Variants in ATG3 observed in about 807,000 individuals in gnomAD.
ATG3 encodes the protein ubiquitin-like-conjugating enzyme ATG3.
A neutral mutation model predicts 50.7 loss-of-function variants in ATG3; 25 were observed. The ratio of observed to expected loss-of-function variants is 0.49; its 90% confidence interval spans 0.36 to 0.69. The LOEUF (loss-of-function observed/expected upper bound fraction) is 0.69. ATG3 is among the 30% of genes least tolerant of loss of function. ATG3 has a pLI of 0.00. For missense variants in ATG3, 281 were observed against 376.0 expected (o/e 0.75, Z 2.09); for synonymous variants, 119 against 125.5 (o/e 0.95, Z 0.34).
chr3:112,533,929 A>G, intron 11 of ATG3: 1 of 1,069,260 alleles, frequency 9.4e-7, no homozygotes, highest in African/African-American at 1.7e-5. Flanking sequence ...GACACAACCT[A>G]ATTTTACTTT....
intron 6 of ATG3, among the ~76,000 whole-genome samples, chr3:112,543,051 A>G (rs1391039021): frequency 6.6e-6 from 1 of 152,054 alleles, no homozygotes; most frequent in East Asian, 1.9e-4. Flanking sequence ...TAAAAAAACA[A>G]AACAAACAAA....
rs2082564588 is a variant in ATG3 at position 112,532,694 on chromosome 3, CTTCAT to C, written c.945_*4del. ...ATAATTAGGATAGATTTTATGCTCT[CTTCAT>C]TACATTGTGAAGTGTCTTGTGTAGT... On this transcript the variant is annotated stop_retained_variant and 3_prime_UTR_variant, in exon 12 of 12. Coordinates refer to ENST00000283290, the MANE Select transcript of ATG3 (RefSeq NM_022488.5). The C allele has an allele frequency of 6.4e-7, 1 of 1,570,388 alleles. No homozygotes were observed. Among genetic ancestry groups the C allele is most frequent in the South Asian group, 1.2e-5 (1 of 85,206 alleles).
intron 2 of ATG3, among the ~76,000 whole-genome samples, chr3:112,556,034 C>T (rs149207831): frequency 9.2e-4 from 140 of 152,226 alleles, no homozygotes; most frequent in African/African-American, 2.2e-3. Context: ...CTTTCATCTC[C>T]GCTCTTGATT....
At chr3:112,552,657 T>C (rs921139048) in intron 3 of ATG3, among the ~76,000 whole-genome samples, 2 of 149,894 alleles carry the variant, frequency 1.3e-5, no homozygotes, top group East Asian at 1.9e-4. Context: ...AAATTTTTTT[T>C]TTTTTTTGAG....
Position 112,532,585 on chromosome 3 carries a change from A to G in ATG3, c.*114T>C. ...TTTTTATTTAATGCATAAACATATA[A>G]GTCCCTTATTAGAGAAACTGTATAT... On this transcript the variant is annotated 3_prime_UTR_variant, in exon 12 of 12. Transcript: ENST00000283290. The G allele has an allele frequency of 3.0e-6, 2 of 677,144 alleles. No individual in the cohort carries two copies. The highest frequency in any genetic ancestry group is 1.9e-5 in the African/African-American group (1 of 53,804). The allele number at this position is 677,144 out of a possible 1,614,324, so 41.9% of individuals were successfully genotyped here.
rs149535143 is a variant in ATG3, at chr3:112,558,450, T to A, written c.73-33A>T. On this transcript the variant is annotated intron_variant, in intron 1 of 11. Coordinates refer to ENST00000283290, the MANE Select transcript of ATG3 (RefSeq NM_022488.5). ...AAGCAGAAAGAAAAACAATATTATA[T>A]CATGTTTCACTATCAATTAAATATA... 469 of 1,489,520 alleles carry A rather than the reference T, an allele frequency of 3.1e-4. 1 individual carries two copies. In the African/African-American group the frequency reaches 5.5e-3, roughly 18 times the overall value. 92.3% of individuals were successfully genotyped at this position (1,489,520 alleles called of 1,614,324 possible). A position where few individuals can be genotyped will look rare whatever the true frequency, so the allele number is the denominator to read the frequency against.
At chr3:112,557,660 A>T (rs1252814680) in intron 2 of ATG3, among the ~76,000 whole-genome samples, 2 of 152,152 alleles carry the variant, frequency 1.3e-5, no homozygotes, top group African/African-American at 2.4e-5. Context: ...GGAACTAGAC[A>T]AATTCCATCA....
At chr3:112,548,684 C>T (rs752597226) in intron 4 of ATG3, 44 bp from the exon 5 acceptor site, 4 of 1,490,158 alleles carry the variant, frequency 2.7e-6, no homozygotes, top group Non-Finnish European at 3.7e-6. Flanking sequence ...ACGTAATCTG[C>T]TAACCATAAA....
Position 112,532,608 on chromosome 3 carries a change from T to C in ATG3, c.*91A>G. The C allele has an allele frequency of 1.1e-6, 1 of 921,512 alleles. No homozygotes were observed. 57.1% of individuals were successfully genotyped at this position (921,512 alleles called of 1,614,324 possible). Reference sequence around the variant, plus strand: ...TAAGTCCCTTATTAGAGAAACTGTATATATTGATGAATATGGTCAATGGTC... The same window carrying C: ...TAAGTCCCTTATTAGAGAAACTGTACATATTGATGAATATGGTCAATGGTC... On this transcript the variant is annotated 3_prime_UTR_variant, in exon 12 of 12. Coordinates refer to ENST00000283290, the MANE Select transcript of ATG3 (RefSeq NM_022488.5).
At chr3:112,553,827 T>C (rs531251479) in intron 2 of ATG3, among the ~76,000 whole-genome samples, 1 of 152,346 alleles carries the variant, frequency 6.6e-6, no homozygotes, top group African/African-American at 2.4e-5. Context: ...CTTCCTCTTT[T>C]ATTATTTTTA....
intron 5 of ATG3, among the ~76,000 whole-genome samples, chr3:112,545,017 C>A (rs913460704): frequency 2.0e-5 from 3 of 152,112 alleles, no homozygotes; most frequent in African/African-American, 7.2e-5. Flanking sequence ...ATGTAGGATA[C>A]CCAAAGGTAG....
At chr3:112,545,138 A>G (rs1183675742) in intron 5 of ATG3, among the ~76,000 whole-genome samples, 1 of 152,222 alleles carries the variant, frequency 6.6e-6, no homozygotes, top group Admixed American at 6.5e-5. Context: ...CCTATGAAGA[A>G]ATGAAGTCAC....
intron 8 of ATG3, 103 bp from the exon 9 acceptor site, chr3:112,537,993 T>G (rs1933119330): frequency 7.7e-7 from 1 of 1,291,100 alleles, no homozygotes; most frequent in African/African-American, 1.5e-5. Flanking sequence ...TTCTTAAGAG[T>G]AAATGAACTT....
At position 112,537,617 on chromosome 3, in the gene ATG3, A is replaced by G. The variant is rs531924925; in HGVS notation, c.666+118T>C. On this transcript the variant is annotated intron_variant, in intron 9 of 11. Transcript: ENST00000283290. ...TCAACATTAATCATAAAACTGTAAA[A>G]CAGATGATTTCCAAAATGTGAAACA... The G allele has an allele frequency of 1.3e-3, 929 of 726,614 alleles. 1 individual carries two copies. The highest frequency in any genetic ancestry group is 1.7e-3 in the Non-Finnish European group (846 of 485,950). 45.0% of individuals were successfully genotyped at this position (726,614 alleles called of 1,614,324 possible). A position where few individuals can be genotyped will look rare whatever the true frequency, so the allele number is the denominator to read the frequency against.
At chr3:112,546,478 T>C (rs1311587374) in intron 5 of ATG3, among the ~76,000 whole-genome samples, 1 of 152,218 alleles carries the variant, frequency 6.6e-6, no homozygotes, top group Non-Finnish European at 1.5e-5. Context: ...TTAAAACTGA[T>C]GAATTATTTC....
intron 9 of ATG3, 114 bp downstream of exon 9, chr3:112,537,621 A>G: frequency 6.6e-6 from 5 of 758,336 alleles, no homozygotes; most frequent in Non-Finnish European, 9.7e-6. Flanking sequence ...TGTAAAACAG[A>G]TGATTTCCAA....
chr3:112,538,947 A>G (rs955247662), intron 7 of ATG3, among the ~76,000 whole-genome samples: 8 of 152,286 alleles, frequency 5.3e-5, no homozygotes, highest in African/African-American at 1.7e-4. Flanking sequence ...ATCTCAGTTA[A>G]TGGTATCTTT....
chr3:112,559,632 C>G (rs1933784426), intron 1 of ATG3, among the ~76,000 whole-genome samples: 1 of 152,204 alleles, frequency 6.6e-6, no homozygotes, highest in Non-Finnish European at 1.5e-5. Flanking sequence ...AGGAAAGGAA[C>G]ATGCCATAAG....
At chr3:112,536,382 C>T in intron 10 of ATG3, 93 bp downstream of exon 10, 2 of 1,457,234 alleles carry the variant, frequency 1.4e-6, no homozygotes, top group South Asian at 1.3e-5. Flanking sequence ...AAATTTTTTT[C>T]TGTTAGGGTT....
Sources: allele counts gnomAD v4.1 joint callset (sites outside exome capture counted in the v4.1 genomes callset), GRCh38; gene constraint gnomAD v4.1.1; transcripts MANE v1.5; gene names NCBI Gene and HGNC (gene_info 2026-07-23, HGNC 2026-07-21).